Variants in SH3BP5 observed in about 807,000 individuals in gnomAD.
SH3BP5 encodes the protein SH3 domain binding protein 5.
SH3BP5 carries 22 observed loss-of-function variants against 43.3 expected under a neutral mutation model. The ratio of observed to expected loss-of-function variants is 0.51; its 90% CI spans 0.36 to 0.73. The LOEUF (loss-of-function observed/expected upper bound fraction) is 0.73. Ranked by LOEUF, SH3BP5 falls within the 30% of genes least tolerant of loss-of-function variation. SH3BP5 has a pLI of 0.00. For missense variants in SH3BP5, 529 were observed against 586.9 expected (o/e 0.90, Z 1.02); for synonymous variants, 255 against 225.8 (o/e 1.13, Z -1.16).
At chr3:15,302,227 T>G (rs368290782) in intron 3 of SH3BP5, among the ~76,000 whole-genome samples, 68 of 152,130 alleles carry the variant, frequency 4.5e-4, no homozygotes, top group African/African-American at 1.6e-3. Context: ...ACGTGGACAC[T>G]TTGGAGGGGG....
chr3:15,274,390 G>T (rs1445859643), intron 3 of SH3BP5, among the ~76,000 whole-genome samples: 1 of 152,180 alleles, frequency 6.6e-6, no homozygotes, highest in Non-Finnish European at 1.5e-5. Context: ...GAGGCCTCAG[G>T]ATACTTACAA....
intron 3 of SH3BP5, among the ~76,000 whole-genome samples, chr3:15,297,357 A>T (rs1293616108): frequency 6.6e-6 from 1 of 152,078 alleles, no homozygotes; most frequent in Non-Finnish European, 1.5e-5. Flanking sequence ...CAGCCAGGAG[A>T]GGCCTGTTTC....
upstream of SH3BP5, among the ~76,000 whole-genome samples, chr3:15,337,037 C>T (rs1575363055): frequency 1.3e-5 from 2 of 150,026 alleles, no homozygotes; most frequent in South Asian, 4.2e-4. Context: ...GAATTATAGG[C>T]GTGAGCCACC....
chr3:15,340,491 G>T lies in SH3BP5; in HGVS notation c.-402+732C>A, dbSNP rs573129657. Among the ~76,000 whole-genome samples, 7 of 152,262 alleles carry T rather than the reference G, an allele frequency of 4.6e-5. No individual in the cohort carries two copies. In the East Asian group the frequency reaches 1.4e-3, roughly 29 times the overall value. On this transcript the variant is annotated intron_variant, in intron 1 of 8. Coordinates refer to the SH3BP5 transcript ENST00000408919. Reference sequence around the variant, plus strand: ...ATACATAAAAAAGCAACATAGGCCGGCATGGTGGCTCACACCTGTAATCCC... The same window carrying T: ...ATACATAAAAAAGCAACATAGGCCGTCATGGTGGCTCACACCTGTAATCCC...
intron 2 of SH3BP5, among the ~76,000 whole-genome samples, chr3:15,304,899 C>T (rs891350106): frequency 5.3e-5 from 8 of 149,868 alleles, no homozygotes; most frequent in African/African-American, 2.0e-4. Flanking sequence ...ACATGCTGTG[C>T]ACTGTGGGGG....
intron 7 of SH3BP5, chr3:15,257,385 A>G (rs1345835635): frequency 2.6e-6 from 1 of 389,096 alleles, no homozygotes; most frequent in Non-Finnish European, 4.7e-6. Flanking sequence ...ACCAGACACC[A>G]CCTAAAAATG....
chr3:15,293,072 C>T (rs1283813092), intron 3 of SH3BP5, among the ~76,000 whole-genome samples: 1 of 152,248 alleles, frequency 6.6e-6, no homozygotes, highest in African/African-American at 2.4e-5. Context: ...AGTGCAGCTG[C>T]TTCTTTCCCA....
At chr3:15,322,335 T>G (rs1419343734) in intron 2 of SH3BP5, among the ~76,000 whole-genome samples, 1 of 152,208 alleles carries the variant, frequency 6.6e-6, no homozygotes, top group African/African-American at 2.4e-5. Flanking sequence ...CCCCACTAAG[T>G]AGACCATGGC....
At chr3:15,304,070 G>C in intron 3 of SH3BP5, 33 bp downstream of exon 3, 3 of 1,586,114 alleles carry the variant, frequency 1.9e-6, no homozygotes, top group East Asian at 2.2e-5. Flanking sequence ...AGTGAGGCTC[G>C]AGGTAGGGGA....
chr3:15,304,338 C>T (rs1321552937), intron 2 of SH3BP5, 107 bp from the exon 3 acceptor site: 15 of 1,540,906 alleles, frequency 9.7e-6, no homozygotes, highest in African/African-American at 1.4e-5. Flanking sequence ...ACCCAACGTA[C>T]AGACCCCTAA....
chr3:15,262,372 T>A lies in SH3BP5; in HGVS notation c.496-83A>T, dbSNP rs1181084517. ...ATTACTTATATTATTTTTCAAAAAA[T>A]ATTCTTTGCCCGGGCATGGTGACAC... On this transcript the variant is annotated intron_variant, in intron 4 of 8. Transcript: ENST00000383791. 6.1e-6 allele frequency: 9 copies of A among 1,484,612 alleles called. No individual in the cohort carries two copies. The East Asian group carries it at 2.2e-4, about 37-fold the overall frequency. 92.0% of individuals were successfully genotyped at this position (1,484,612 alleles called of 1,614,324 possible).
Position 15,291,185 on chromosome 3 carries a change from T to G in SH3BP5, c.330+12918A>C, listed in dbSNP as rs13098829. ...GTAGCTAGAACAGCAGCATGAGCAT[T>G]CGCATGCTTTTTAGTATCACTCAAC... On this transcript the variant is annotated intron_variant, in intron 3 of 8. Coordinates refer to ENST00000383791, the MANE Select transcript of SH3BP5 (RefSeq NM_004844.5). Among the ~76,000 whole-genome samples the G allele has an allele frequency of 5.1e-3, 770 of 152,302 alleles. 5 individuals are homozygous for G. Among genetic ancestry groups the G allele is most frequent in the Non-Finnish European group, 9.3e-3 (632 of 68,012 alleles).
In SH3BP5 at chr3:15,318,083, T is replaced by C. The variant is rs376763894; in HGVS notation, c.201+12421A>G. Among the ~76,000 whole-genome samples the C allele has an allele frequency of 6.6e-5, 10 of 152,358 alleles. No homozygotes were observed. The South Asian group carries it at 1.9e-3, about 28-fold the overall frequency. On this transcript the variant is annotated intron_variant, in intron 2 of 8. Coordinates refer to ENST00000383791, the MANE Select transcript of SH3BP5 (RefSeq NM_004844.5). ...TGTGTGACCTGAGAGAATTGACTTA[T>C]TCACTCAGTGTCTCCCTTTCTCATC... is the stretch of plus-strand genomic sequence containing the variant.
At chr3:15,312,741 A>C (rs953008938) in intron 2 of SH3BP5, among the ~76,000 whole-genome samples, 1 of 152,242 alleles carries the variant, frequency 6.6e-6, no homozygotes, top group Non-Finnish European at 1.5e-5. Context: ...ATCCAGGCTC[A>C]GAGCCTTCCG....
chr3:15,276,952 A>AT (rs542303924), intron 3 of SH3BP5, among the ~76,000 whole-genome samples: 78 of 147,774 alleles, frequency 5.3e-4, no homozygotes, highest in South Asian at 1.5e-3. Flanking sequence ...TTCATTCTAA[A>AT]TTTTTTTTTT....
chr3:15,328,943 G>A (rs181754528), intron 2 of SH3BP5, among the ~76,000 whole-genome samples: 3 of 152,236 alleles, frequency 2.0e-5, no homozygotes, highest in East Asian at 1.9e-4. Flanking sequence ...CTCTTGAAAC[G>A]TGGCTATTGT....
upstream of SH3BP5, chr3:15,332,779 G>T: frequency 1.8e-6 from 1 of 563,116 alleles, no homozygotes; most frequent in East Asian, 1.1e-4. Context: ...TAGCAGCTCG[G>T]ATATATCTCA....
chr3:15,298,023 A>G (rs1487293492), intron 3 of SH3BP5, among the ~76,000 whole-genome samples: 2 of 144,176 alleles, frequency 1.4e-5, no homozygotes, highest in African/African-American at 5.2e-5. Context: ...GTCCTCCAGG[A>G]TGGAATGCAG....
At chr3:15,260,473 C>G (rs923897332) in intron 5 of SH3BP5, 4 of 154,564 alleles carry the variant, frequency 2.6e-5, no homozygotes, top group African/African-American at 4.8e-5. Context: ...GGTGCCTGAA[C>G]ATTAAGAGTA....
Sources: allele counts gnomAD v4.1 joint callset (sites outside exome capture counted in the v4.1 genomes callset), GRCh38; gene constraint gnomAD v4.1.1; transcripts MANE v1.5; gene names NCBI Gene and HGNC (gene_info 2026-07-23, HGNC 2026-07-21).